The following PEX3 variants were observed in gnomAD, a reference collection of about 807,000 sequenced individuals.
PEX3 encodes peroxin-3.
In PEX3, 30 loss-of-function variants were observed where a neutral mutation model predicts 55.8. That is an observed-to-expected ratio of 0.54 (90% CI 0.40 to 0.73). PEX3 has a LOEUF of 0.73. Among genes scored for constraint, PEX3 ranks in the 30% least tolerant of loss-of-function variants. PEX3 has a pLI of 0.00. For missense variants in PEX3, 351 were observed against 432.8 expected, an observed-to-expected ratio of 0.81 and a Z score of 1.68; for synonymous variants, 135 against 148.4, an observed-to-expected ratio of 0.91 and a Z score of 0.66.
intron 1 of PEX3, among the ~76,000 whole-genome samples, chr6:143,457,056 A>T (rs1779857020): frequency 1.3e-5 from 2 of 152,220 alleles, no homozygotes; most frequent in South Asian, 4.1e-4. Flanking sequence ...ACACCAATCA[A>T]ATTTACTATT....
intron 10 of PEX3, among the ~76,000 whole-genome samples, chr6:143,484,814 G>C (rs1406644628): frequency 3.3e-5 from 5 of 151,992 alleles, no homozygotes; most frequent in Non-Finnish European, 7.4e-5. Flanking sequence ...ACAGATTACT[G>C]TATAGTCATT....
chr6:143,465,532 G>A lies in PEX3; in HGVS notation c.287+2535G>A, dbSNP rs1337445154. Among the ~76,000 whole-genome samples, 2 of 151,538 alleles carry A rather than the reference G, an allele frequency of 1.3e-5. No homozygotes were observed. The highest frequency in any genetic ancestry group is 2.4e-5 in the African/African-American group (1 of 41,266). Reference sequence around the variant, plus strand: ...AAGCACTTTCTATATTGAAATTTTCGGAACCACTGTTTTCTTATCTTTTTT... The same window carrying A: ...AAGCACTTTCTATATTGAAATTTTCAGAACCACTGTTTTCTTATCTTTTTT... On this transcript the variant is annotated intron_variant, in intron 3 of 11. Coordinates refer to ENST00000367591, the MANE Select transcript of PEX3 (RefSeq NM_003630.3). The surrounding 1 kb of genome is among the most constrained non-coding windows in gnomAD (Gnocchi z 4.7).
At position 143,479,318 on chromosome 6, in the gene PEX3, C is replaced by T; in HGVS notation, c.941+120C>T. The T allele has an allele frequency of 1.3e-6, 1 of 759,526 alleles. No individual in the cohort carries two copies. The highest frequency in any genetic ancestry group is 2.7e-5 in the East Asian group (1 of 36,660). 47.0% of individuals were successfully genotyped at this position (759,526 alleles called of 1,614,324 possible). A position where few individuals can be genotyped will look rare whatever the true frequency, so the allele number is the denominator to read the frequency against. On this transcript the variant is annotated intron_variant, in intron 10 of 11. Coordinates refer to ENST00000367591, the MANE Select transcript of PEX3 (RefSeq NM_003630.3). The surrounding 1 kb of genome is among the most constrained non-coding windows in gnomAD (Gnocchi z 4.6). Reference sequence around the variant, plus strand: ...TAAATTTGAGTGCCTCATTTTTTAACAAATTAAACTCTGTTAAACCAACAA... The same window carrying T: ...TAAATTTGAGTGCCTCATTTTTTAATAAATTAAACTCTGTTAAACCAACAA...
At chr6:143,480,878 G>A (rs77366182) in intron 10 of PEX3, among the ~76,000 whole-genome samples, 22 of 152,126 alleles carry the variant, frequency 1.4e-4, no homozygotes, top group African/African-American at 5.3e-4. Flanking sequence ...CTGGGCATGC[G>A]GCACATGCCT....
At chr6:143,484,537 TA>T (rs1263156563) in intron 10 of PEX3, among the ~76,000 whole-genome samples, 4 of 151,726 alleles carry the variant, frequency 2.6e-5, no homozygotes, top group African/African-American at 9.7e-5. Flanking sequence ...TTCACTGGAG[TA>T]GGGGGGAAAT....
rs1285370991 is a variant in PEX3 at position 143,482,547 on chromosome 6, G to A, written c.942-2605G>A. Among the ~76,000 whole-genome samples the A allele has an allele frequency of 6.6e-6, 1 of 151,792 alleles. No homozygotes were observed. Among genetic ancestry groups the A allele is most frequent in the Admixed American group, 6.6e-5 (1 of 15,234 alleles). The stretch of plus-strand genomic sequence containing the variant: ...CAAATGATAATAAAGGTAATATGGA[G>A]GAATAATGGAATGAGAATGTTTAAG... On this transcript the variant is annotated intron_variant, in intron 10 of 11. Coordinates refer to ENST00000367591, the MANE Select transcript of PEX3 (RefSeq NM_003630.3). This position sits in a 1 kb window ranked among gnomAD's most constrained non-coding sequence, Gnocchi z 5.5.
intron 2 of PEX3, among the ~76,000 whole-genome samples, chr6:143,460,842 C>G (rs1584004062): frequency 8.7e-6 from 1 of 115,560 alleles, no homozygotes; most frequent in Non-Finnish European, 1.7e-5. Context: ...CCAGCCTGGG[C>G]AACAAGAGTG....
chr6:143,489,841 TA>T lies in PEX3; in HGVS notation c.*620del, dbSNP rs1269678148. 6.6e-6 allele frequency: 1 copy of T among 152,154 alleles called. No homozygotes were observed. Among genetic ancestry groups the T allele is most frequent in the Non-Finnish European group, 1.5e-5 (1 of 68,004 alleles). 9.4% of individuals were successfully genotyped at this position (152,154 alleles called of 1,614,324 possible). Reference sequence around the variant, plus strand: ...TTCACTATATTTTTTAAGGTTTTATTAAAAAGCCTTAGAAAGTTACATATTG... The same window carrying T: ...TTCACTATATTTTTTAAGGTTTTATTAAAAGCCTTAGAAAGTTACATATTG... On this transcript the variant is annotated 3_prime_UTR_variant, in exon 12 of 12. Transcript: ENST00000367591. The surrounding 1 kb of genome is among the most constrained non-coding windows in gnomAD (Gnocchi z 5.5).
rs1779889973 is a variant in PEX3 at position 143,459,437 on chromosome 6, G to A, written c.205+221G>A. On this transcript the variant is annotated intron_variant, in intron 2 of 11. Coordinates refer to ENST00000367591, the MANE Select transcript of PEX3 (RefSeq NM_003630.3). The surrounding 1 kb of genome is among the most constrained non-coding windows in gnomAD (Gnocchi z 4.2). The stretch of plus-strand genomic sequence containing the variant: ...GCAAATACTTGTATCCAGGCCTGGG[G>A]AAGCAGGAAGTGAACAACAACAACA... Among the ~76,000 whole-genome samples, 1 of 152,202 alleles carries A rather than the reference G, an allele frequency of 6.6e-6. No individual in the cohort carries two copies. The highest frequency in any genetic ancestry group is 2.1e-4 in the South Asian group (1 of 4,828).
Position 143,454,123 on chromosome 6 carries a change from T to A in PEX3, c.73+3008T>A, listed in dbSNP as rs889979614. 2.0e-5 allele frequency among the ~76,000 whole-genome samples: 3 copies of A among 152,234 alleles called. No homozygotes were observed. Among genetic ancestry groups the A allele is most frequent in the African/African-American group, 7.2e-5 (3 of 41,454 alleles). ...AATTAATGAGTGTCATTGTTTTACA[T>A]TTTGCAAATCTTTTTAATGTTTGGC... On this transcript the variant is annotated intron_variant, in intron 1 of 11. Coordinates refer to ENST00000367591, the MANE Select transcript of PEX3 (RefSeq NM_003630.3). The surrounding 1 kb of genome is among the most constrained non-coding windows in gnomAD (Gnocchi z 4.3).
At position 143,483,783 on chromosome 6, in the gene PEX3, G is replaced by A. The variant is rs1405156676; in HGVS notation, c.942-1369G>A. On this transcript the variant is annotated intron_variant, in intron 10 of 11. Coordinates refer to ENST00000367591, the MANE Select transcript of PEX3 (RefSeq NM_003630.3). The surrounding 1 kb of genome is among the most constrained non-coding windows in gnomAD (Gnocchi z 4.3). ...TTAATCAATTCAACAAGTATGTATTGGATGTCCACTGTACACAAGACCTTT... is the reference window on the plus strand; with the variant it reads ...TTAATCAATTCAACAAGTATGTATTAGATGTCCACTGTACACAAGACCTTT... 6.6e-6 allele frequency among the ~76,000 whole-genome samples: 1 copy of A among 152,070 alleles called. No homozygotes were observed. Among genetic ancestry groups the A allele is most frequent in the Admixed American group, 6.6e-5 (1 of 15,244 alleles).
rs1217862509 is a variant in PEX3 at position 143,471,874 on chromosome 6, A to G, written c.578+263A>G. On this transcript the variant is annotated intron_variant, in intron 7 of 11. Transcript: ENST00000367591. This position sits in a 1 kb window ranked among gnomAD's most constrained non-coding sequence, Gnocchi z 5.4. ...AAATATTTGGGTCATGAGATAAAAG[A>G]CCTACTTTAAAATCTGCCTCTGAGG... Among the ~76,000 whole-genome samples the G allele has an allele frequency of 6.6e-6, 1 of 152,166 alleles. No individual in the cohort carries two copies. Among genetic ancestry groups the G allele is most frequent in the Non-Finnish European group, 1.5e-5 (1 of 68,000 alleles).
Position 143,489,098 on chromosome 6 carries a change from C to T in PEX3, c.1039-45C>T. ...GATTGCAGAAATTAATTCAAATTAGCTATATGTTTTGCAAACTATAATGTT... is the reference window on the plus strand; with the variant it reads ...GATTGCAGAAATTAATTCAAATTAGTTATATGTTTTGCAAACTATAATGTT... On this transcript the variant is annotated intron_variant, in intron 11 of 11. Transcript: ENST00000367591. The surrounding 1 kb of genome is among the most constrained non-coding windows in gnomAD (Gnocchi z 5.5). 4.9e-6 allele frequency: 6 copies of T among 1,217,574 alleles called. No individual in the cohort carries two copies. The South Asian group carries it at 6.0e-5, about 12-fold the overall frequency. 75.4% of individuals were successfully genotyped at this position (1,217,574 alleles called of 1,614,324 possible).
In PEX3 at chr6:143,476,026, A is replaced by G. The variant is rs1005921201; in HGVS notation, c.818+1170A>G. 6.6e-6 allele frequency among the ~76,000 whole-genome samples: 1 copy of G among 152,244 alleles called. No individual in the cohort carries two copies. Among genetic ancestry groups the G allele is most frequent in the African/African-American group, 2.4e-5 (1 of 41,466 alleles). ...TAATAAATTTGATGTAATGTCAAGT[A>G]TGTATAACTTTGTTGATGAAACACA... On this transcript the variant is annotated intron_variant, in intron 9 of 11. Transcript: ENST00000367591. This position sits in a 1 kb window ranked among gnomAD's most constrained non-coding sequence, Gnocchi z 5.4.
intron 10 of PEX3, among the ~76,000 whole-genome samples, chr6:143,481,993 A>G (rs552726216): frequency 3.9e-5 from 6 of 152,292 alleles, no homozygotes; most frequent in African/African-American, 1.4e-4. Flanking sequence ...AAAAAAGAGT[A>G]TTTGAAATCA....
At position 143,475,373 on chromosome 6, in the gene PEX3, C is replaced by T. The variant is rs190709430; in HGVS notation, c.818+517C>T. Among the ~76,000 whole-genome samples the T allele has an allele frequency of 1.6e-4, 24 of 152,158 alleles. No homozygotes were observed. The highest frequency in any genetic ancestry group is 7.9e-4 in the Admixed American group (12 of 15,274). On this transcript the variant is annotated intron_variant, in intron 9 of 11. Coordinates refer to ENST00000367591, the MANE Select transcript of PEX3 (RefSeq NM_003630.3). This position sits in a 1 kb window ranked among gnomAD's most constrained non-coding sequence, Gnocchi z 4.4. The stretch of plus-strand genomic sequence containing the variant: ...TCCTTTAAACATCAGTGTTTCCAAC[C>T]TGGTGCAGCAGCTCATGCTTGTAAT...
At position 143,479,769 on chromosome 6, in the gene PEX3, G is replaced by A. The variant is rs1026937458; in HGVS notation, c.941+571G>A. 2.0e-5 allele frequency among the ~76,000 whole-genome samples: 3 copies of A among 152,088 alleles called. No homozygotes were observed. The highest frequency in any genetic ancestry group is 6.5e-5 in the Admixed American group (1 of 15,280). On this transcript the variant is annotated intron_variant, in intron 10 of 11. Transcript: ENST00000367591. The surrounding 1 kb of genome is among the most constrained non-coding windows in gnomAD (Gnocchi z 4.6). ...ATCATGGACTTATGTATGCCATAAG[G>A]TATCTTACGGTTTTTTATATCTTTG...
At chr6:143,469,883 C>T (rs150563674) in intron 4 of PEX3, among the ~76,000 whole-genome samples, 2,760 of 152,224 alleles carry the variant, frequency 0.018, 104 homozygotes, top group Admixed American at 0.073. Context: ...CCAATTTCAG[C>T]TAAGCCTTGC....
Position 143,471,436 on chromosome 6 carries a change from C to T in PEX3, c.510C>T (p.His170=). Reference sequence around the variant, plus strand: ...AGCAGTATTTATCAAGTATTCAGCACCTACTTGGAGATGGTAAGATTCTTA... The same window carrying T: ...AGCAGTATTTATCAAGTATTCAGCATCTACTTGGAGATGGTAAGATTCTTA... The part of the protein sequence containing the change: ...VQQQYLSSIQ[H]LLGDGLTELI... Residue 170 remains histidine, a synonymous_variant, in exon 6 of 12, where the codon CAC becomes CAT. Transcript: ENST00000367591. This position sits in a 1 kb window ranked among gnomAD's most constrained non-coding sequence, Gnocchi z 5.4. 1.9e-6 allele frequency: 3 copies of T among 1,601,970 alleles called. No homozygotes were observed. The highest frequency in any genetic ancestry group is 1.1e-5 in the South Asian group (1 of 90,486).
Sources: allele counts gnomAD v4.1 joint callset (sites outside exome capture counted in the v4.1 genomes callset), GRCh38; gene constraint gnomAD v4.1.1; non-coding constraint Gnocchi (gnomAD v3.1); transcripts MANE v1.5; gene names NCBI Gene and HGNC (gene_info 2026-07-23, HGNC 2026-07-21).